Variants in CFAP299 observed in about 807,000 individuals in gnomAD.
The protein encoded by CFAP299 is cilia- and flagella-associated protein 299.
Under a neutral mutation model 27.0 loss-of-function variants are expected in CFAP299, and 21 were observed. That is an observed-to-expected ratio of 0.78 (90% confidence interval 0.55 to 1.12). CFAP299 has a LOEUF of 1.12. CFAP299 is among the 50% of genes most tolerant of loss of function. CFAP299 has a pLI of 0.00. For synonymous variants in CFAP299, 104 were observed against 98.1 expected, an observed-to-expected ratio of 1.06 and a Z score of -0.36; for missense variants, 310 against 276.6, an observed-to-expected ratio of 1.12 and a Z score of -0.86.
chr4:80,398,815 A>G (rs557995381), intron 2 of CFAP299, among the ~76,000 whole-genome samples: 10 of 152,264 alleles, frequency 6.6e-5, no homozygotes, highest in African/African-American at 9.6e-5. Flanking sequence ...GAAAGCAATG[A>G]CAACAAAAGC....
At chr4:80,839,677 A>T (rs1227120757) in intron 3 of CFAP299, among the ~76,000 whole-genome samples, 1 of 152,064 alleles carries the variant, frequency 6.6e-6, no homozygotes, top group African/African-American at 2.4e-5. Context: ...ATTATTATTC[A>T]TGGTTATCTC....
chr4:80,824,957 A>G (rs927492111), intron 3 of CFAP299, among the ~76,000 whole-genome samples: 5 of 152,076 alleles, frequency 3.3e-5, no homozygotes, highest in Non-Finnish European at 5.9e-5. Flanking sequence ...TACTAGACAA[A>G]GACTTTCCTA....
chr4:80,707,903 T>C (rs1721916247), intron 3 of CFAP299, among the ~76,000 whole-genome samples: 2 of 152,076 alleles, frequency 1.3e-5, no homozygotes, highest in African/African-American at 4.8e-5. Context: ...GCTCTAGCTG[T>C]GATGAATCAG....
At chr4:80,539,245 A>G (rs2110196757) in intron 2 of CFAP299, among the ~76,000 whole-genome samples, 1 of 152,278 alleles carries the variant, frequency 6.6e-6, no homozygotes, top group South Asian at 2.1e-4. Flanking sequence ...TTTTGTTTTA[A>G]TCAAGTATAA....
chr4:80,621,793 G>A (rs1008158926), intron 3 of CFAP299, among the ~76,000 whole-genome samples: 12 of 152,118 alleles, frequency 7.9e-5, no homozygotes, highest in Non-Finnish European at 1.5e-4. Context: ...AAATGCTGTG[G>A]CATTCAGAAA....
intron 5 of CFAP299, among the ~76,000 whole-genome samples, chr4:80,954,350 T>G (rs1209534791): frequency 6.6e-6 from 1 of 152,194 alleles, no homozygotes; most frequent in Non-Finnish European, 1.5e-5. Context: ...CAGCAAATAC[T>G]CATAATTTCT....
intron 3 of CFAP299, among the ~76,000 whole-genome samples, chr4:80,864,614 G>A (rs1732611689): frequency 6.7e-6 from 1 of 150,338 alleles, no homozygotes; most frequent in African/African-American, 2.4e-5. Context: ...AGTTTTAACT[G>A]TGAATAACTA....
chr4:80,767,981 A>G (rs1725992857), intron 3 of CFAP299, among the ~76,000 whole-genome samples: 1 of 152,150 alleles, frequency 6.6e-6, no homozygotes, highest in East Asian at 1.9e-4. Context: ...TATTTTAAAA[A>G]CCAAAGCTGG....
At chr4:80,585,058 A>G (rs1736363433) in intron 3 of CFAP299, among the ~76,000 whole-genome samples, 1 of 152,110 alleles carries the variant, frequency 6.6e-6, no homozygotes, top group Non-Finnish European at 1.5e-5. Context: ...TGCCTTTAGT[A>G]TAGGGAATAA....
chr4:80,444,677 A>G (rs1328477774), intron 2 of CFAP299, among the ~76,000 whole-genome samples: 7 of 152,194 alleles, frequency 4.6e-5, no homozygotes, highest in Admixed American at 1.3e-4. Context: ...AAATTGACAA[A>G]TGGGATCTAA....
At chr4:80,791,670 G>T (rs911714398) in intron 3 of CFAP299, among the ~76,000 whole-genome samples, 1 of 151,874 alleles carries the variant, frequency 6.6e-6, no homozygotes, top group Non-Finnish European at 1.5e-5. Flanking sequence ...CCCTAAATAT[G>T]TGCAAGCTGA....
chr4:80,826,460 A>G (rs1415667976), intron 3 of CFAP299, among the ~76,000 whole-genome samples: 1 of 151,808 alleles, frequency 6.6e-6, no homozygotes, highest in South Asian at 2.1e-4. Flanking sequence ...AAAGGTTATG[A>G]GGAACAGGAA....
chr4:80,341,295 G>A (rs1053937519), intron 1 of CFAP299, among the ~76,000 whole-genome samples: 3 of 152,278 alleles, frequency 2.0e-5, no homozygotes, highest in Non-Finnish European at 4.4e-5. Context: ...GTGTGGATGA[G>A]GAAGGATCCC....
At chr4:80,692,362 A>T (rs111731376) in intron 3 of CFAP299, among the ~76,000 whole-genome samples, 1 of 152,120 alleles carries the variant, frequency 6.6e-6, no homozygotes, top group South Asian at 2.1e-4. Context: ...GATCAATGGA[A>T]CAGAACAGAG....
rs372215178 is a variant in CFAP299 at position 80,633,677 on chromosome 4, A to G, written c.333+50494A>G. ...AATGCTGATACTAAATTTTCTTCCT[A>G]AATTTTATTTGCATCTAATTAAGAC... On this transcript the variant is annotated intron_variant, in intron 3 of 5. Transcript: ENST00000358105. Among the ~76,000 whole-genome samples the G allele has an allele frequency of 5.1e-3, 770 of 152,306 alleles. 5 individuals carry two copies. The highest frequency in any genetic ancestry group is 0.02 in the Middle Eastern group (6 of 294).
intron 2 of CFAP299, among the ~76,000 whole-genome samples, chr4:80,393,690 A>G (rs1471725826): frequency 1.3e-5 from 2 of 152,146 alleles, no homozygotes; most frequent in Non-Finnish European, 2.9e-5. Context: ...GTGGTAGGCT[A>G]TACCATCTAG....
chr4:80,423,941 G>T (rs536055571), intron 2 of CFAP299, among the ~76,000 whole-genome samples: 1 of 152,158 alleles, frequency 6.6e-6, no homozygotes, highest in Non-Finnish European at 1.5e-5. Context: ...TTTCACTGCT[G>T]GCTCCCAAGG....
intron 3 of CFAP299, among the ~76,000 whole-genome samples, chr4:80,849,713 A>G (rs1731401534): frequency 1.3e-5 from 2 of 152,086 alleles, no homozygotes; most frequent in Admixed American, 1.3e-4. Context: ...ACCAGAGGCT[A>G]GGGAGGGTAG....
At chr4:80,710,462 G>A (rs922858333) in intron 3 of CFAP299, among the ~76,000 whole-genome samples, 3 of 147,112 alleles carry the variant, frequency 2.0e-5, no homozygotes, top group Admixed American at 6.9e-5. Context: ...CTCTCATAAC[G>A]TGGGCTTTCT....
Sources: allele counts gnomAD v4.1 joint callset (sites outside exome capture counted in the v4.1 genomes callset), GRCh38; gene constraint gnomAD v4.1.1; transcripts MANE v1.5; gene names NCBI Gene and HGNC (gene_info 2026-07-23, HGNC 2026-07-21).